TBC1D15: variants seen among roughly 807,000 people sequenced by gnomAD.
The protein encoded by TBC1D15 is GAP for RAB7.
TBC1D15 carries 39 observed loss-of-function variants against 95.4 expected under a neutral mutation model. The observed-to-expected ratio is 0.41, with a 90% confidence interval of 0.32 to 0.53. The LOEUF (loss-of-function observed/expected upper bound fraction) is 0.53. Among genes scored for constraint, TBC1D15 ranks in the 20% least tolerant of loss-of-function variants. TBC1D15 has a pLI of 0.29. For synonymous variants in TBC1D15, 258 were observed against 261.3 expected (o/e 0.99, Z 0.12); for missense variants, 733 against 794.3 (o/e 0.92, Z 0.93).
At chr12:71,889,135 G>T (rs1896785049) in intron 5 of TBC1D15, among the ~76,000 whole-genome samples, 1 of 152,144 alleles carries the variant, frequency 6.6e-6, no homozygotes, top group African/African-American at 2.4e-5. Context: ...GTGATTAATT[G>T]CACCCTTTAA....
At chr12:71,888,843 T>A (rs887222839) in intron 5 of TBC1D15, among the ~76,000 whole-genome samples, 3 of 142,222 alleles carry the variant, frequency 2.1e-5, no homozygotes, top group Non-Finnish European at 3.0e-5. Context: ...TATACATGTT[T>A]CTTTTTTTTT....
At chr12:71,872,369 C>T (rs187155671) in intron 2 of TBC1D15, among the ~76,000 whole-genome samples, 132 of 152,270 alleles carry the variant, frequency 8.7e-4, no homozygotes, top group African/African-American at 3.1e-3. Context: ...ATAAACCCAT[C>T]ATAAATTGAA....
At chr12:71,915,413 C>T (rs527480177) in intron 12 of TBC1D15, among the ~76,000 whole-genome samples, 6 of 147,868 alleles carry the variant, frequency 4.1e-5, no homozygotes, top group Non-Finnish European at 7.4e-5. Context: ...GAATCTTTCC[C>T]CAGTGATTAG....
intron 8 of TBC1D15, 45 bp downstream of exon 8, chr12:71,896,120 A>G: frequency 1.4e-6 from 2 of 1,464,976 alleles, no homozygotes; most frequent in Non-Finnish European, 1.8e-6. Flanking sequence ...AACTCCTAGT[A>G]TTTAGGGGTT....
Position 71,850,025 on chromosome 12 carries a change from C to A in TBC1D15, c.30+10214C>A, listed in dbSNP as rs779382829. 3 of 522,752 alleles carry A rather than the reference C, an allele frequency of 5.7e-6. No individual in the cohort carries two copies. The East Asian group carries it at 1.4e-4, about 24-fold the overall frequency. 32.4% of individuals were successfully genotyped at this position (522,752 alleles called of 1,614,324 possible). On this transcript the variant is annotated intron_variant, in intron 1 of 16. Coordinates refer to ENST00000485960, the MANE Select transcript of TBC1D15 (RefSeq NM_001146213.3). ...AAAGGGTTTCTAACAAGTTGACCCT[C>A]TCCAGACAATTGTGAAGAGAGTTCC...
In TBC1D15 at chr12:71,860,735, G is replaced by A. The variant is rs182929907; in HGVS notation, c.31-11335G>A. On this transcript the variant is annotated intron_variant, in intron 1 of 16. Transcript: ENST00000485960. ...TTTTCTTTCTTTCTCTTGCCTAATT[G>A]CTCTGGCTAGGACTTCCAGTACGGT... Among the ~76,000 whole-genome samples, 10 of 152,120 alleles carry A rather than the reference G, an allele frequency of 6.6e-5. 1 individual carries two copies. In the South Asian group the frequency reaches 2.1e-3, roughly 32 times the overall value.
intron 4 of TBC1D15, among the ~76,000 whole-genome samples, chr12:71,883,654 C>T (rs1895656443): frequency 6.6e-6 from 1 of 152,046 alleles, no homozygotes; most frequent in Non-Finnish European, 1.5e-5. Context: ...AAGCAACTTC[C>T]TTCTAAGTAG....
At chr12:71,852,066 T>A (rs543425263) in intron 1 of TBC1D15, among the ~76,000 whole-genome samples, 1 of 152,370 alleles carries the variant, frequency 6.6e-6, no homozygotes, top group African/African-American at 2.4e-5. Flanking sequence ...TTTCCATACA[T>A]CCTCTGAATT....
chr12:71,915,586 C>T (rs1057017985), intron 12 of TBC1D15, among the ~76,000 whole-genome samples: 9 of 151,704 alleles, frequency 5.9e-5, no homozygotes, highest in African/African-American at 9.7e-5. Flanking sequence ...TGCATACAGA[C>T]GTGTGTATAT....
intron 3 of TBC1D15, among the ~76,000 whole-genome samples, chr12:71,875,626 T>C (rs543334353): frequency 6.6e-6 from 1 of 152,214 alleles, no homozygotes; most frequent in African/African-American, 2.4e-5. Context: ...CATTAAGTAA[T>C]TTCTCATGTA....
chr12:71,872,828 A>G, intron 2 of TBC1D15, 101 bp from the exon 3 acceptor site: 1 of 739,578 alleles, frequency 1.4e-6, no homozygotes, highest in Non-Finnish European at 2.2e-6. Flanking sequence ...TAAAATGTAG[A>G]TATTTAAGAG....
intron 10 of TBC1D15, among the ~76,000 whole-genome samples, chr12:71,900,589 T>C (rs942728355): frequency 3.9e-5 from 6 of 152,128 alleles, no homozygotes; most frequent in Admixed American, 1.3e-4. Context: ...CAATAAGTTA[T>C]TACTTAGTGC....
At chr12:71,897,020 A>G (rs1898319911) in intron 9 of TBC1D15, among the ~76,000 whole-genome samples, 1 of 152,174 alleles carries the variant, frequency 6.6e-6, no homozygotes, top group Non-Finnish European at 1.5e-5. Context: ...ATATTCCCTT[A>G]TATAAGCCTT....
intron 5 of TBC1D15, among the ~76,000 whole-genome samples, chr12:71,889,227 A>T (rs767724135): frequency 6.6e-6 from 1 of 152,172 alleles, no homozygotes; most frequent in Non-Finnish European, 1.5e-5. Flanking sequence ...GTGAACCAGG[A>T]TGTGGCTGCT....
chr12:71,882,067 GT>G (rs959084938), intron 4 of TBC1D15, among the ~76,000 whole-genome samples: 43 of 151,444 alleles, frequency 2.8e-4, no homozygotes, highest in African/African-American at 9.4e-4. Context: ...TTTTCTAAAA[GT>G]TTTTTTCCCC....
chr12:71,923,174 C>A lies in TBC1D15; in HGVS notation c.1995C>A (p.Ser665=). The A allele has an allele frequency of 6.2e-7, 1 of 1,614,192 alleles. No individual in the cohort carries two copies. Among genetic ancestry groups the A allele is most frequent in the Non-Finnish European group, 8.5e-7 (1 of 1,180,042 alleles). ...RNDSPTQIPV[S]SDVCRLTPA is the part of the protein sequence containing the mutation. ...ACAGCCCAACACAGATACCAGTGTCCTCAGATGTCTGCAGATTAACACCTG... is the reference window on the plus strand; with the variant it reads ...ACAGCCCAACACAGATACCAGTGTCATCAGATGTCTGCAGATTAACACCTG... Residue 665 remains serine (S), a synonymous_variant, in exon 17 of 17, where the codon TCC becomes TCA. Coordinates refer to ENST00000485960, the MANE Select transcript of TBC1D15 (RefSeq NM_001146213.3).
chr12:71,923,310 A>G lies in TBC1D15; in HGVS notation c.*106A>G. ...TGGTATTGATCATGCTTTAAGGTTT[A>G]TGTAAAGAAAGTGTACTGATGTTCT... is the stretch of plus-strand genomic sequence containing the variant. On this transcript the variant is annotated 3_prime_UTR_variant, in exon 17 of 17. Coordinates refer to ENST00000485960, the MANE Select transcript of TBC1D15 (RefSeq NM_001146213.3). 9.9e-7 allele frequency: 1 copy of G among 1,014,592 alleles called. No homozygotes were observed. Among genetic ancestry groups the G allele is most frequent in the Admixed American group, 2.2e-5 (1 of 45,922 alleles). 62.8% of individuals were successfully genotyped at this position (1,014,592 alleles called of 1,614,324 possible). A position where few individuals can be genotyped will look rare whatever the true frequency, so the allele number is the denominator to read the frequency against.
chr12:71,912,356 C>T (rs1902589974), intron 11 of TBC1D15, among the ~76,000 whole-genome samples: 1 of 152,102 alleles, frequency 6.6e-6, no homozygotes, highest in Admixed American at 6.6e-5. Context: ...AACCCACGTG[C>T]CCTTTTATGC....
Position 71,884,971 on chromosome 12 carries a change from A to G in TBC1D15, c.504A>G (p.Gly168=), listed in dbSNP as rs559036629. The change falls in exon 5 of 17, where the codon GGA becomes GGG. Residue 168 remains glycine (G), a synonymous_variant. Coordinates refer to ENST00000485960, the MANE Select transcript of TBC1D15 (RefSeq NM_001146213.3). The part of the protein sequence containing the change: ...VVLPALHFHQ[G]DSKLLIESLE... ...TCCCTGCTCTACACTTTCATCAAGG[A>G]GATAGCAAACTACTGATTGAATCTC... 20 of 1,613,990 alleles carry G rather than the reference A, an allele frequency of 1.2e-5. No individual in the cohort carries two copies. The highest frequency in any genetic ancestry group is 1.4e-5 in the Non-Finnish European group (17 of 1,179,878).
Sources: gnomAD v4.1 joint callset for allele counts (sites outside exome capture counted in the v4.1 genomes callset) on GRCh38, gnomAD v4.1.1 for gene constraint, MANE v1.5 for transcripts, NCBI Gene and HGNC (gene_info 2026-07-23, HGNC 2026-07-21) for gene names.